The following HYKK variants were observed in gnomAD, a reference collection of about 807,000 sequenced individuals.
HYKK encodes the protein 5-hydroxy-L-lysine kinase.
In HYKK, 19 loss-of-function variants were observed where a neutral mutation model predicts 29.7. The ratio of observed to expected loss-of-function variants is 0.64; its 90% CI spans 0.45 to 0.94. The LOEUF is 0.94. Ranked by LOEUF, HYKK falls within the 40% of genes least tolerant of loss-of-function variation. HYKK has a pLI of 0.00. For missense variants in HYKK, 390 were observed against 443.4 expected, an observed-to-expected ratio of 0.88 and a Z score of 1.08; for synonymous variants, 152 against 158.1, an observed-to-expected ratio of 0.96 and a Z score of 0.29.
In HYKK at chr15:78,535,274, CTTTTCTTTTCTTTTCTTTTTT is replaced by C. The variant is rs1567027018; in HGVS notation, c.*1609_*1629del. ...CCTCAATTTCATTTCATTTCTTTTTCTTTTCTTTTCTTTTCTTTTTTTTTTTTTTTGGTGGTGGGGCGGCAG... is the reference window on the plus strand; with the variant it reads ...CCTCAATTTCATTTCATTTCTTTTTCTTTTTTTTTGGTGGTGGGGCGGCAG... On this transcript the variant is annotated 3_prime_UTR_variant, in exon 5 of 5. Coordinates refer to ENST00000388988, the MANE Select transcript of HYKK (RefSeq NM_001013619.4). 7 of 25,926 alleles carry C rather than the reference CTTTTCTTTTCTTTTCTTTTTT, an allele frequency of 2.7e-4. No homozygotes were observed. The highest frequency in any genetic ancestry group is 1.5e-4 in the Non-Finnish European group (1 of 6,604). The allele number at this position is 25,926 out of a possible 1,614,324, so 1.6% of individuals were successfully genotyped here.
chr15:78,532,543 C>T (rs2052322309), intron 4 of HYKK, among the ~76,000 whole-genome samples: 2 of 152,168 alleles, frequency 1.3e-5, no homozygotes, highest in South Asian at 4.1e-4. Flanking sequence ...GCCTGTAATC[C>T]CAGCACTTTG....
chr15:78,533,071 T>C, intron 4 of HYKK, 139 bp from the exon 5 acceptor site: 2 of 627,974 alleles, frequency 3.2e-6, no homozygotes. Flanking sequence ...GAGGAAATTA[T>C]TTTATTTCAA....
At position 78,513,173 on chromosome 15, in the gene HYKK, G is replaced by A. The variant is rs1344706199; in HGVS notation, c.85G>A (p.Val29Met). 1 of 1,614,156 alleles carries A rather than the reference G, an allele frequency of 6.2e-7. No individual in the cohort carries two copies. Among genetic ancestry groups the A allele is most frequent in the Non-Finnish European group, 8.5e-7 (1 of 1,179,990 alleles). ...ACAAGCCTCTGCGTTAGTGGAGTCA[G>A]TGTTTGGGTTGAAAGTTTCCAAGGT... ...EEQASALVESVFGLKVSKVRP... is the reference protein window; with the variant it reads ...EEQASALVESMFGLKVSKVRP... The change falls in exon 2 of 5, where the codon GTG (valine) becomes ATG (methionine). Residue 29 changes from valine (V) to methionine (M), a missense_variant. Val to Met is a conservative substitution (Grantham distance 21). Coordinates refer to ENST00000388988, the MANE Select transcript of HYKK (RefSeq NM_001013619.4).
At chr15:78,517,128 T>TC (rs2052144364) in intron 3 of HYKK, among the ~76,000 whole-genome samples, 4 of 146,702 alleles carry the variant, frequency 2.7e-5, no homozygotes, top group Admixed American at 1.4e-4. Flanking sequence ...TTTTTTTTTT[T>TC]CGAGACAGAG....
At chr15:78,532,235 A>G (rs1023112792) in intron 4 of HYKK, among the ~76,000 whole-genome samples, 2 of 152,164 alleles carry the variant, frequency 1.3e-5, no homozygotes, top group African/African-American at 4.8e-5. Context: ...GCAACTAACC[A>G]TGGGAGTTTG....
At position 78,507,830 on chromosome 15, in the gene HYKK, A is replaced by T. The variant is rs932149102; in HGVS notation, c.-6+159A>T. Among the ~76,000 whole-genome samples the T allele has an allele frequency of 6.6e-5, 10 of 152,310 alleles. No homozygotes were observed. In the East Asian group the frequency reaches 1.2e-3, roughly 18 times the overall value. ...CTATCCTCAGCTCGCTGCGTGCGTG[A>T]TGGGCAAGTCACCCTTCTTCCCGGA... On this transcript the variant is annotated intron_variant, in intron 1 of 4. Transcript: ENST00000388988.
intron 4 of HYKK, among the ~76,000 whole-genome samples, chr15:78,530,149 G>A (rs113940471): frequency 0.036 from 5,397 of 150,640 alleles, 345 homozygotes; most frequent in African/African-American, 0.13. Context: ...TTTTTTTACA[G>A]CTTTATTGAG....
chr15:78,528,296 TC>T, intron 4 of HYKK: 1 of 297,542 alleles, frequency 3.4e-6, no homozygotes, highest in African/African-American at 2.3e-5. Flanking sequence ...TGCCTGATGA[TC>T]TGAGATGAAA....
chr15:78,515,888 CA>C (rs201547487), intron 3 of HYKK, among the ~76,000 whole-genome samples: 1 of 152,086 alleles, frequency 6.6e-6, no homozygotes, highest in African/African-American at 2.4e-5. Context: ...GTGGCCAGCC[CA>C]AAAATTTTTT....
chr15:78,531,022 C>A (rs147530923), intron 4 of HYKK, among the ~76,000 whole-genome samples: 312 of 152,094 alleles, frequency 2.1e-3, no homozygotes, highest in Middle Eastern at 0.01. Flanking sequence ...CACCACCACA[C>A]CACGTAATTT....
intron 4 of HYKK, 94 bp downstream of exon 4, chr15:78,527,657 A>C (rs1041852042): frequency 4.7e-6 from 7 of 1,496,432 alleles, no homozygotes; most frequent in Non-Finnish European, 6.2e-6. Context: ...TAGCTTTATC[A>C]AATCTTAAAA....
intron 1 of HYKK, among the ~76,000 whole-genome samples, chr15:78,510,623 G>T (rs1210623049): frequency 6.6e-6 from 1 of 152,124 alleles, no homozygotes; most frequent in South Asian, 2.1e-4. Flanking sequence ...AGTTAGGTGG[G>T]TTTTTGCTAT....
At chr15:78,526,150 C>A (rs1047738732) in intron 3 of HYKK, among the ~76,000 whole-genome samples, 1 of 152,122 alleles carries the variant, frequency 6.6e-6, no homozygotes, top group African/African-American at 2.4e-5. Context: ...GTCTAAAGGC[C>A]CTTCCAATTC....
chr15:78,532,495 G>A (rs2052322001), intron 4 of HYKK, among the ~76,000 whole-genome samples: 1 of 152,116 alleles, frequency 6.6e-6, no homozygotes. Flanking sequence ...AGAAAATTTT[G>A]TTTAAAATCC....
chr15:78,522,225 A>G (rs7181447), intron 3 of HYKK, among the ~76,000 whole-genome samples: 41,721 of 151,922 alleles, frequency 0.27, 6,399 homozygotes, highest in Admixed American at 0.47. Flanking sequence ...TTCCTCCACA[A>G]TCCCACACTC....
intron 1 of HYKK, among the ~76,000 whole-genome samples, chr15:78,509,684 C>T (rs1439111657): frequency 6.6e-6 from 1 of 152,144 alleles, no homozygotes; most frequent in Non-Finnish European, 1.5e-5. Flanking sequence ...TACCAGTTTA[C>T]ATATCTCCAG....
At position 78,534,083 on chromosome 15, in the gene HYKK, A is replaced by G. The variant is rs903722574; in HGVS notation, c.*413A>G. 1.3e-5 allele frequency: 2 copies of G among 158,036 alleles called. No homozygotes were observed. Among genetic ancestry groups the G allele is most frequent in the African/African-American group, 4.8e-5 (2 of 41,456 alleles). The allele number at this position is 158,036 out of a possible 1,614,324, so 9.8% of individuals were successfully genotyped here. The stretch of plus-strand genomic sequence containing the variant: ...ACCTAGATAACATACTACCAGTTCT[A>G]TGAAACCTCCTCTGATCTCTCCTTT... On this transcript the variant is annotated 3_prime_UTR_variant, in exon 5 of 5. Transcript: ENST00000388988.
chr15:78,533,283 A>C lies in HYKK; in HGVS notation c.735A>C (p.Glu245Asp). 1 of 1,614,060 alleles carries C rather than the reference A, an allele frequency of 6.2e-7. No homozygotes were observed. The highest frequency in any genetic ancestry group is 8.5e-7 in the Non-Finnish European group (1 of 1,179,886). Residue 245 changes from glutamate to aspartate, a missense_variant, in exon 5 of 5, where the codon GAA (glutamate) becomes GAC (aspartate). Coordinates refer to ENST00000388988, the MANE Select transcript of HYKK (RefSeq NM_001013619.4). ...GCAAGTCAGCCTCTGGAAATGCTGA[A>C]TATCAAGTGTCTGGGATTTTAGACT... is the stretch of plus-strand genomic sequence containing the variant. ...ESSKSASGNA[E>D]YQVSGILDFG...
At chr15:78,523,103 TG>T (rs2052214842) in intron 3 of HYKK, among the ~76,000 whole-genome samples, 1 of 151,990 alleles carries the variant, frequency 6.6e-6, no homozygotes, top group South Asian at 2.1e-4. Context: ...CCATGGGAAG[TG>T]TGTTAGTCCA....
Sources: allele counts gnomAD v4.1 joint callset (sites outside exome capture counted in the v4.1 genomes callset), GRCh38; gene constraint gnomAD v4.1.1; transcripts MANE v1.5; gene names NCBI Gene and HGNC (gene_info 2026-07-23, HGNC 2026-07-21).